Variants in FCHO1 observed in about 807,000 individuals in gnomAD.
The protein encoded by FCHO1 is FCH and mu domain containing endocytic adaptor 1, also known as F-BAR domain only protein 1.
Under a neutral mutation model 114.4 loss-of-function variants are expected in FCHO1, and 45 were observed. The ratio of observed to expected loss-of-function variants is 0.39; its 90% CI spans 0.31 to 0.50. The LOEUF is 0.50. FCHO1 is among the 20% of genes least tolerant of loss of function. The pLI is 0.77. For missense variants in FCHO1, 1,042 were observed against 1,209.6 expected (o/e 0.86, Z 2.06); for synonymous variants, 480 against 488.9 (o/e 0.98, Z 0.24).
upstream of FCHO1, among the ~76,000 whole-genome samples, chr19:17,748,378 T>TG (rs1016824995): frequency 2.7e-5 from 4 of 150,894 alleles, no homozygotes; most frequent in African/African-American, 9.8e-5. Context: ...AAGGATGGGG[T>TG]GGGGGGCGTT....
chr19:17,781,409 G>C, intron 21 of FCHO1, 43 bp from the exon 22 acceptor site: 1 of 1,611,794 alleles, frequency 6.2e-7, no homozygotes, highest in South Asian at 1.1e-5. Context: ...TTGGGCACTG[G>C]TCCTGGGGCA....
intron 13 of FCHO1, 115 bp downstream of exon 13, chr19:17,774,593 TG>T: frequency 1.3e-6 from 1 of 795,492 alleles, no homozygotes; most frequent in South Asian, 1.7e-5. Context: ...TATTCCAGGC[TG>T]GACCAGGATT....
rs13345379 is a variant in FCHO1, at chr19:17,776,754, G to C, written c.1259+68G>C. On this transcript the variant is annotated intron_variant, in intron 18 of 28. Coordinates refer to ENST00000596536, the MANE Select transcript of FCHO1 (RefSeq NM_015122.3). The surrounding 1 kb of genome is among the most constrained non-coding windows in gnomAD (Gnocchi z 4.4). ...CCTCCCTCCACCTCCCCATGTCTCCGCCTGGTGTTCTCTTGTCCCGGCTGG... is the reference window on the plus strand; with the variant it reads ...CCTCCCTCCACCTCCCCATGTCTCCCCCTGGTGTTCTCTTGTCCCGGCTGG... 2.1e-6 allele frequency: 3 copies of C among 1,437,632 alleles called. No homozygotes were observed. Among genetic ancestry groups the C allele is most frequent in the Non-Finnish European group, 2.9e-6 (3 of 1,029,196 alleles). 89.1% of individuals were successfully genotyped at this position (1,437,632 alleles called of 1,614,324 possible).
intron 11 of FCHO1, among the ~76,000 whole-genome samples, chr19:17,773,009 CT>C (rs1326554463): frequency 4.6e-5 from 7 of 152,156 alleles, no homozygotes; most frequent in Non-Finnish European, 8.8e-5. Flanking sequence ...ACAAGTCCAG[CT>C]CTCCAGCCTG....
Position 17,766,802 on chromosome 19 carries a change from C to G in FCHO1, c.328C>G (p.His110Asp). 1 of 1,613,748 alleles carries G rather than the reference C, an allele frequency of 6.2e-7. No individual in the cohort carries two copies. Among genetic ancestry groups the G allele is most frequent in the Non-Finnish European group, 8.5e-7 (1 of 1,179,746 alleles). ...LRYGEEQLKT[H>D]KKCKEEVVST... ...CTACGGCGAGGAACAGCTCAAGACC[C>G]ACAAGAAGGTGTGTGTCGTGGGCGC... Residue 110 changes from histidine (H) to aspartate (D), a missense_variant, in exon 7 of 29, where the codon CAC (histidine) becomes GAC (aspartate). Physicochemically the swap from His to Asp is moderately conservative, Grantham distance 81 (BLOSUM62 -1). Coordinates refer to ENST00000596536, the MANE Select transcript of FCHO1 (RefSeq NM_015122.3).
intron 1 of FCHO1, among the ~76,000 whole-genome samples, chr19:17,753,237 G>A (rs899865325): frequency 8.5e-5 from 13 of 152,196 alleles, no homozygotes; most frequent in African/African-American, 1.2e-4. Flanking sequence ...GGATGTCAGT[G>A]TAGCATGCTC....
Position 17,778,781 on chromosome 19 carries a change from AC to A in FCHO1, c.1529del (p.Pro510GlnfsTer35), listed in dbSNP as rs1568362572. On this transcript the variant is annotated frameshift_variant, in exon 20 of 29. Transcript: ENST00000596536. LOFTEE classifies it high-confidence loss of function. ...AGAGCCCGCCCAGCTGTAGGGCGCC[AC>A]CCCCAGAGGCCAGGGGTATCCGGGC... The part of the protein sequence containing the change: ...PQSPPSCRAP[P>X]PEARGIRAPP... 1 of 1,537,874 alleles carries A rather than the reference AC, an allele frequency of 6.5e-7. No individual in the cohort carries two copies. Among genetic ancestry groups the A allele is most frequent in the Non-Finnish European group, 8.7e-7 (1 of 1,147,466 alleles).
intron 4 of FCHO1, among the ~76,000 whole-genome samples, chr19:17,759,595 G>A (rs969498840): frequency 5.3e-5 from 8 of 152,160 alleles, no homozygotes; most frequent in South Asian, 4.1e-4. Flanking sequence ...AACAGCGGGC[G>A]CAGAGGACCA....
At position 17,778,833 on chromosome 19, in the gene FCHO1, C is replaced by T; in HGVS notation, c.1576C>T (p.Pro526Ser). ...RAPPLPDSPQ[P>S]LASSPGPWGL... ...ACCGCCTCTGCCAGACTCGCCGCAG[C>T]CCCTCGCCTCGTCTCCAGGCCCCTG... The change falls in exon 20 of 29, where the codon CCC becomes TCC. Residue 526 changes from proline (P) to serine (S), a missense_variant. This residue lies in a region of FCHO1 where 455 missense variants were observed against 455.4 expected (regional missense o/e 1.00). Transcript: ENST00000596536. 1 of 1,558,124 alleles carries T rather than the reference C, an allele frequency of 6.4e-7. No individual in the cohort carries two copies. Among genetic ancestry groups the T allele is most frequent in the Non-Finnish European group, 8.6e-7 (1 of 1,159,252 alleles).
At position 17,787,739 on chromosome 19, in the gene FCHO1, C is replaced by G; in HGVS notation, c.2540C>G (p.Pro847Arg). ...CTCTCAGGGCCCAGCACACCCAGCC[C>G]CGTGGCTGCACAGTTCACCAGCGAG... is the stretch of plus-strand genomic sequence containing the variant. ...EPLSGPSTPSPVAAQFTSEGT... is the reference protein window; with the variant it reads ...EPLSGPSTPSRVAAQFTSEGT... Residue 847 changes from proline to arginine, a missense_variant, in exon 28 of 29, where the codon CCC (proline) becomes CGC (arginine). Coordinates refer to ENST00000596536, the MANE Select transcript of FCHO1 (RefSeq NM_015122.3). The G allele has an allele frequency of 6.3e-7, 1 of 1,591,778 alleles. No individual in the cohort carries two copies. The highest frequency in any genetic ancestry group is 8.5e-7 in the Non-Finnish European group (1 of 1,170,622).
chr19:17,775,156 G>C lies in FCHO1; in HGVS notation c.945+76G>C. The C allele has an allele frequency of 6.7e-7, 1 of 1,483,654 alleles. No homozygotes were observed. Among genetic ancestry groups the C allele is most frequent in the Non-Finnish European group, 9.2e-7 (1 of 1,081,180 alleles). 91.9% of individuals were successfully genotyped at this position (1,483,654 alleles called of 1,614,324 possible). On this transcript the variant is annotated intron_variant, in intron 14 of 28. Coordinates refer to ENST00000596536, the MANE Select transcript of FCHO1 (RefSeq NM_015122.3). The surrounding 1 kb of genome is among the most constrained non-coding windows in gnomAD (Gnocchi z 5.1). The stretch of plus-strand genomic sequence containing the variant: ...TCCCACTCTTGGCTCCTAGAGTCCC[G>C]ATCCCTACTGGAAACTAAAGAGCCG...
chr19:17,781,187 C>A, intron 20 of FCHO1, 44 bp from the exon 21 acceptor site: 2 of 1,439,286 alleles, frequency 1.4e-6, no homozygotes, highest in Non-Finnish European at 9.6e-7. Flanking sequence ...GCCCCAGAGG[C>A]CCCGGGCAGC....
intron 1 of FCHO1, among the ~76,000 whole-genome samples, chr19:17,752,604 A>G (rs989500566): frequency 2.0e-5 from 3 of 151,896 alleles, no homozygotes; most frequent in African/African-American, 7.3e-5. Context: ...ACAAAAATTA[A>G]TACAAAAATT....
In FCHO1 at chr19:17,768,760, T is replaced by C. The variant is rs185619551; in HGVS notation, c.337-1665T>C. On this transcript the variant is annotated intron_variant, in intron 7 of 28. Coordinates refer to ENST00000596536, the MANE Select transcript of FCHO1 (RefSeq NM_015122.3). ...AGGGGTCCTGCTGTGTTGCCCAGGC[T>C]GGTCAAACATCTAACATATCTGCCT... Among the ~76,000 whole-genome samples, 420 of 150,642 alleles carry C rather than the reference T, an allele frequency of 2.8e-3. 1 individual carries two copies. Among genetic ancestry groups the C allele is most frequent in the Middle Eastern group, 7.0e-3 (2 of 284 alleles).
chr19:17,752,688 C>A (rs1291497234), intron 1 of FCHO1, among the ~76,000 whole-genome samples: 1 of 143,144 alleles, frequency 7.0e-6, no homozygotes, highest in East Asian at 2.0e-4. Context: ...GGCTTGAGCT[C>A]AGGAGTTCGA....
At chr19:17,757,561 A>T (rs1455546785) in intron 4 of FCHO1, among the ~76,000 whole-genome samples, 1 of 152,184 alleles carries the variant, frequency 6.6e-6, no homozygotes, top group Non-Finnish European at 1.5e-5. Flanking sequence ...ACCCAAAGTG[A>T]CCCTGTACGT....
chr19:17,779,333 T>C (rs200891096), intron 20 of FCHO1, among the ~76,000 whole-genome samples: 1 of 151,472 alleles, frequency 6.6e-6, no homozygotes, highest in Admixed American at 6.6e-5. Context: ...AATGTTACCC[T>C]GAGTAACGCT....
Position 17,787,744 on chromosome 19 carries a change from G to A in FCHO1, c.2545G>A (p.Ala849Thr). The A allele has an allele frequency of 1.3e-6, 2 of 1,597,168 alleles. No individual in the cohort carries two copies. The highest frequency in any genetic ancestry group is 1.7e-6 in the Non-Finnish European group (2 of 1,173,314). Residue 849 changes from alanine (A) to threonine (T), a missense_variant, in exon 28 of 29, where the codon GCT becomes ACT. Coordinates refer to ENST00000596536, the MANE Select transcript of FCHO1 (RefSeq NM_015122.3). ...AGGGCCCAGCACACCCAGCCCCGTG[G>A]CTGCACAGTTCACCAGCGAGGGGAC... ...LSGPSTPSPV[A>T]AQFTSEGTTL... is the part of the protein sequence containing the mutation.
At chr19:17,778,096 G>A (rs1428668837) in intron 18 of FCHO1, 41 bp from the exon 19 acceptor site, 1 of 1,503,872 alleles carries the variant, frequency 6.6e-7, no homozygotes, top group Non-Finnish European at 9.3e-7. Context: ...GATGAGGCTT[G>A]GGAAAAATAG....
Sources: allele counts gnomAD v4.1 joint callset (sites outside exome capture counted in the v4.1 genomes callset), GRCh38; gene constraint gnomAD v4.1.1; regional missense constraint gnomAD v4.1.1; non-coding constraint Gnocchi (gnomAD v3.1); transcripts MANE v1.5; gene names NCBI Gene and HGNC (gene_info 2026-07-23, HGNC 2026-07-21).